GRID2: variants seen among roughly 807,000 people sequenced by gnomAD.
GRID2 encodes the protein glutamate ionotropic receptor delta type subunit 2.
GRID2 carries 33 observed loss-of-function variants against 114.8 expected under a neutral mutation model. The ratio of observed to expected loss-of-function variants is 0.29; its 90% CI spans 0.22 to 0.38. GRID2 has a LOEUF of 0.38. Ranked by LOEUF, GRID2 falls within the 10% of genes least tolerant of loss-of-function variation. GRID2 has a pLI of 1.00. For missense variants in GRID2, 1,184 were observed against 1,257.7 expected, an observed-to-expected ratio of 0.94 and a Z score of 0.89; for synonymous variants, 505 against 449.9, an observed-to-expected ratio of 1.12 and a Z score of -1.55.
chr4:93,423,443 G>A (rs1295954215), intron 10 of GRID2, among the ~76,000 whole-genome samples: 1 of 141,914 alleles, frequency 7.0e-6, no homozygotes, highest in Non-Finnish European at 1.5e-5. Flanking sequence ...CGCCTCCTAG[G>A]TTCGCGCCAT....
chr4:93,267,521 T>A (rs1750987762), intron 8 of GRID2, among the ~76,000 whole-genome samples: 1 of 152,198 alleles, frequency 6.6e-6, no homozygotes, highest in South Asian at 2.1e-4. Context: ...ACTGCCAACC[T>A]GGCAGGGCTT....
At chr4:93,294,446 A>T (rs1383921133) in intron 8 of GRID2, among the ~76,000 whole-genome samples, 2 of 152,142 alleles carry the variant, frequency 1.3e-5, no homozygotes, top group Non-Finnish European at 2.9e-5. Flanking sequence ...GTATGTGTGT[A>T]TGTGAGAGAG....
At chr4:92,836,383 T>C (rs1446439238) in intron 2 of GRID2, among the ~76,000 whole-genome samples, 2 of 152,028 alleles carry the variant, frequency 1.3e-5, no homozygotes, top group Non-Finnish European at 2.9e-5. Context: ...TGAATGAGAA[T>C]GAAAAAGGCA....
chr4:92,620,798 G>A (rs1004089881), intron 2 of GRID2, among the ~76,000 whole-genome samples: 1 of 151,042 alleles, frequency 6.6e-6, no homozygotes, highest in Non-Finnish European at 1.5e-5. Flanking sequence ...GTTGTGGGGT[G>A]GGGGGAGTGG....
intron 4 of GRID2, among the ~76,000 whole-genome samples, chr4:93,160,229 AG>A (rs1737565484): frequency 6.6e-6 from 1 of 151,846 alleles, no homozygotes; most frequent in Admixed American, 6.6e-5. Context: ...TGTGAAACAC[AG>A]GTCATGATTA....
At chr4:92,652,881 A>AATCTATTTATAAATACATATAAAT (rs1732020232) in intron 2 of GRID2, among the ~76,000 whole-genome samples, 2 of 121,352 alleles carry the variant, frequency 1.6e-5, no homozygotes, top group African/African-American at 3.1e-5. Context: ...AATATATAAA[A>AATCTATTTATAAATACATATAAAT]ATATATTTAT....
chr4:93,002,906 C>G (rs527986349), intron 2 of GRID2, among the ~76,000 whole-genome samples: 1 of 151,698 alleles, frequency 6.6e-6, no homozygotes, highest in Non-Finnish European at 1.5e-5. Context: ...AGGTCACCTG[C>G]CTTCCTTGTT....
intron 13 of GRID2, among the ~76,000 whole-genome samples, chr4:93,581,171 C>T (rs1038472918): frequency 6.7e-6 from 1 of 150,296 alleles, no homozygotes; most frequent in African/African-American, 2.4e-5. Context: ...GTTCAACTCC[C>T]GCTTATGAGC....
At position 92,827,753 on chromosome 4, in the gene GRID2, A is replaced by T. The variant is rs115381188; in HGVS notation, c.244+237467A>T. The stretch of plus-strand genomic sequence containing the variant: ...ATTAATGAATGAATGATATATGAAG[A>T]GATGGATATAAGCACTTTCCTTTTA... On this transcript the variant is annotated intron_variant, in intron 2 of 15. Coordinates refer to ENST00000282020, the MANE Select transcript of GRID2 (RefSeq NM_001510.4). 7.1e-3 allele frequency among the ~76,000 whole-genome samples: 1,075 copies of T among 152,212 alleles called. 4 individuals are homozygous for T. Among genetic ancestry groups the T allele is most frequent in the Middle Eastern group, 0.02 (6 of 294 alleles).
At chr4:92,409,805 GA>G (rs576809177) in intron 1 of GRID2, among the ~76,000 whole-genome samples, 88 of 152,254 alleles carry the variant, frequency 5.8e-4, no homozygotes, top group Non-Finnish European at 1.1e-3. Context: ...AGAGGAAAGA[GA>G]GTTACAATGT....
intron 2 of GRID2, among the ~76,000 whole-genome samples, chr4:92,929,923 G>A (rs1474357931): frequency 6.6e-6 from 1 of 150,952 alleles, no homozygotes; most frequent in East Asian, 1.9e-4. Flanking sequence ...TTTTACTTGG[G>A]TTGTACAAAA....
At chr4:92,468,496 C>G (rs989900174) in intron 1 of GRID2, among the ~76,000 whole-genome samples, 1 of 151,940 alleles carries the variant, frequency 6.6e-6, no homozygotes. Context: ...TAAACAAACA[C>G]TTAATGAAAT....
At chr4:93,060,174 G>C (rs1727648470) in intron 2 of GRID2, among the ~76,000 whole-genome samples, 1 of 152,114 alleles carries the variant, frequency 6.6e-6, no homozygotes. Flanking sequence ...CAGCATTTTA[G>C]ACTCCCCAGT....
intron 1 of GRID2, among the ~76,000 whole-genome samples, chr4:92,463,856 A>G (rs952597459): frequency 1.3e-5 from 2 of 151,966 alleles, no homozygotes; most frequent in African/African-American, 2.4e-5. Context: ...ATTGATGTCT[A>G]TGGACTTTGC....
At position 92,942,476 on chromosome 4, in the gene GRID2, G is replaced by A. The variant is rs1362205302; in HGVS notation, c.245-142519G>A. ...GCCTGTGTGTGTCTCTGCATGTGAG[G>A]TGGGTTTCCTGAATACAGCACACTG... On this transcript the variant is annotated intron_variant, in intron 2 of 15. Coordinates refer to ENST00000282020, the MANE Select transcript of GRID2 (RefSeq NM_001510.4). Among the ~76,000 whole-genome samples, 9 of 152,182 alleles carry A rather than the reference G, an allele frequency of 5.9e-5. No individual in the cohort carries two copies. In the South Asian group the frequency reaches 8.3e-4, roughly 14 times the overall value.
At chr4:93,167,848 T>C (rs1023317762) in intron 4 of GRID2, among the ~76,000 whole-genome samples, 1 of 152,124 alleles carries the variant, frequency 6.6e-6, no homozygotes, top group African/African-American at 2.4e-5. Flanking sequence ...TGAAAAATTT[T>C]ATAGATTTGT....
intron 2 of GRID2, among the ~76,000 whole-genome samples, chr4:93,015,228 C>T (rs1482745205): frequency 6.6e-6 from 1 of 151,824 alleles, no homozygotes; most frequent in Non-Finnish European, 1.5e-5. Context: ...GGTAATGGGC[C>T]AAAAATGGAA....
chr4:92,434,924 G>C (rs539209085), intron 1 of GRID2, among the ~76,000 whole-genome samples: 1 of 152,162 alleles, frequency 6.6e-6, no homozygotes, highest in African/African-American at 2.4e-5. Context: ...AAGATTACTT[G>C]CTGTCGTTGA....
Position 93,657,483 on chromosome 4 carries a change from G to A in GRID2, c.2360+31048G>A, listed in dbSNP as rs191983599. Among the ~76,000 whole-genome samples the A allele has an allele frequency of 2.4e-4, 37 of 152,100 alleles. 1 individual carries two copies. The highest frequency in any genetic ancestry group is 3.4e-3 in the Middle Eastern group (1 of 294). ...TAAATACTCTATCATGGAACTATTC[G>A]ATTTGATGGGACATAAATCTTTTTA... On this transcript the variant is annotated intron_variant, in intron 14 of 15. Coordinates refer to ENST00000282020, the MANE Select transcript of GRID2 (RefSeq NM_001510.4).
Sources: gnomAD v4.1 joint callset for allele counts (sites outside exome capture counted in the v4.1 genomes callset) on GRCh38, gnomAD v4.1.1 for gene constraint, MANE v1.5 for transcripts, NCBI Gene and HGNC (gene_info 2026-07-23, HGNC 2026-07-21) for gene names.